The following CTNND2 variants were observed in gnomAD, a reference collection of about 807,000 sequenced individuals.
CTNND2 encodes catenin delta 2, also known as catenin delta-2.
CTNND2 carries 22 observed loss-of-function variants against 144.4 expected under a neutral mutation model. The observed-to-expected ratio is 0.15, with a 90% CI of 0.11 to 0.22. The LOEUF is 0.22. Among genes scored for constraint, CTNND2 ranks in the 10% least tolerant of loss-of-function variants. The pLI, the probability that CTNND2 is intolerant of heterozygous loss-of-function variation, is 1.00. For missense variants in CTNND2, 1,353 were observed against 1,618.8 expected, an observed-to-expected ratio of 0.84 and a Z score of 2.82; for synonymous variants, 751 against 695.6, an observed-to-expected ratio of 1.08 and a Z score of -1.25.
intron 3 of CTNND2, among the ~76,000 whole-genome samples, chr5:11,470,980 ATTTT>A (rs1171276873): frequency 2.8e-4 from 26 of 91,514 alleles, no homozygotes; most frequent in Admixed American, 4.6e-4. Context: ...ATATATATAT[ATTTT>A]TTTTTTTTTT....
At chr5:11,779,869 CCAT>C (rs1459747287) in intron 1 of CTNND2, among the ~76,000 whole-genome samples, 1 of 152,154 alleles carries the variant, frequency 6.6e-6, no homozygotes, top group Non-Finnish European at 1.5e-5. Flanking sequence ...TTGTAAGAGT[CCAT>C]CATCATTCCT....
At chr5:11,846,346 G>T (rs565878459) in intron 1 of CTNND2, among the ~76,000 whole-genome samples, 2 of 152,160 alleles carry the variant, frequency 1.3e-5, no homozygotes, top group Non-Finnish European at 2.9e-5. Context: ...GATGGCAAAG[G>T]TGCTGTGTTT....
intron 1 of CTNND2, among the ~76,000 whole-genome samples, chr5:11,883,712 G>A (rs1736305484): frequency 6.6e-6 from 1 of 152,132 alleles, no homozygotes; most frequent in African/African-American, 2.4e-5. Context: ...GGGATTGCTG[G>A]ATCAAATGGT....
chr5:11,156,703 G>T (rs1038271396), intron 12 of CTNND2, among the ~76,000 whole-genome samples: 1 of 140,668 alleles, frequency 7.1e-6, no homozygotes, highest in South Asian at 2.3e-4. Context: ...AGTTCTAGTT[G>T]TCTACATGAA....
chr5:11,631,115 G>T (rs1043892586), intron 2 of CTNND2, among the ~76,000 whole-genome samples: 1 of 152,088 alleles, frequency 6.6e-6, no homozygotes, highest in Non-Finnish European at 1.5e-5. Context: ...TGGGGGAAAA[G>T]AAAGTCCATT....
Position 11,146,850 on chromosome 5 carries a change from G to A in CTNND2, c.2159+12726C>T, listed in dbSNP as rs529752137. ...CAGCAACACACACACTGGAAAACAA[G>A]CAGTTACATGGCTCTACCCAAGAAA... On this transcript the variant is annotated intron_variant, in intron 12 of 21. Transcript: ENST00000304623. Among the ~76,000 whole-genome samples the A allele has an allele frequency of 4.1e-3, 630 of 152,340 alleles. 4 individuals are homozygous for A. Among genetic ancestry groups the A allele is most frequent in the African/African-American group, 0.014 (592 of 41,578 alleles).
chr5:11,879,339 G>GTATATATATATATATATATATATA (rs368634452), intron 1 of CTNND2, among the ~76,000 whole-genome samples: 3,651 of 100,062 alleles, frequency 0.036, 352 homozygotes, highest in South Asian at 0.057. Flanking sequence ...AATTAAATGT[G>GTATATATATATATATATATATATA]TGTATATATA....
At chr5:11,223,720 A>C (rs1740035362) in intron 10 of CTNND2, among the ~76,000 whole-genome samples, 1 of 152,090 alleles carries the variant, frequency 6.6e-6, no homozygotes, top group South Asian at 2.1e-4. Context: ...TGCGTCCCTG[A>C]CATTTGGGAG....
chr5:11,701,636 C>A (rs1003438603), intron 2 of CTNND2, among the ~76,000 whole-genome samples: 5 of 151,762 alleles, frequency 3.3e-5, no homozygotes, highest in Non-Finnish European at 7.4e-5. Context: ...GTATTAAAAC[C>A]CCAAAAGAAC....
chr5:11,254,486 T>C (rs1192221904), intron 9 of CTNND2, among the ~76,000 whole-genome samples: 1 of 152,182 alleles, frequency 6.6e-6, no homozygotes, highest in African/African-American at 2.4e-5. Context: ...TCAAATTTTC[T>C]GGTGCTCTTT....
At chr5:11,651,100 G>T (rs1377685769) in intron 2 of CTNND2, among the ~76,000 whole-genome samples, 1 of 152,160 alleles carries the variant, frequency 6.6e-6, no homozygotes, top group East Asian at 1.9e-4. Flanking sequence ...CCCATTACAG[G>T]CCTGGAGGCA....
chr5:11,443,236 A>ATGTG (rs142482923), intron 3 of CTNND2, among the ~76,000 whole-genome samples: 4 of 79,362 alleles, frequency 5.0e-5, no homozygotes, highest in African/African-American at 2.2e-4. Context: ...TGTGTGTGTG[A>ATGTG]TGTGTGTGTG....
intron 3 of CTNND2, among the ~76,000 whole-genome samples, chr5:11,418,422 CAAAACAAA>C (rs752889802): frequency 5.9e-5 from 9 of 151,694 alleles, no homozygotes; most frequent in Non-Finnish European, 1.0e-4. Flanking sequence ...CAAAACAAAA[CAAAACAAA>C]AAAACAAAAT....
chr5:11,482,128 G>A (rs1386946377), intron 3 of CTNND2, among the ~76,000 whole-genome samples: 1 of 152,102 alleles, frequency 6.6e-6, no homozygotes, highest in Non-Finnish European at 1.5e-5. Flanking sequence ...ACTTGATTAT[G>A]CCGTGGACAC....
At chr5:10,983,144 G>C (rs1010627500) in intron 20 of CTNND2, among the ~76,000 whole-genome samples, 1 of 152,140 alleles carries the variant, frequency 6.6e-6, no homozygotes, top group Admixed American at 6.5e-5. Flanking sequence ...AGAACAACTA[G>C]AATAATGGAA....
intron 13 of CTNND2, 43 bp from the exon 14 acceptor site, chr5:11,111,086 G>C: frequency 6.4e-7 from 1 of 1,568,496 alleles, no homozygotes; most frequent in Non-Finnish European, 8.7e-7. Flanking sequence ...AGTAAAACTA[G>C]CACTCAGCAC....
At chr5:11,425,164 G>A (rs10474922) in intron 3 of CTNND2, among the ~76,000 whole-genome samples, 1 of 152,216 alleles carries the variant, frequency 6.6e-6, no homozygotes, top group African/African-American at 2.4e-5. Context: ...TATTGGAGCA[G>A]AGTACAAGTC....
chr5:11,291,363 T>C (rs988166053), intron 9 of CTNND2, among the ~76,000 whole-genome samples: 1 of 152,160 alleles, frequency 6.6e-6, no homozygotes, highest in African/African-American at 2.4e-5. Context: ...CAAATGCCAT[T>C]GGATTTTTCT....
At chr5:11,266,918 G>A (rs749244606) in intron 9 of CTNND2, among the ~76,000 whole-genome samples, 1 of 152,126 alleles carries the variant, frequency 6.6e-6, no homozygotes, top group Non-Finnish European at 1.5e-5. Flanking sequence ...CAACTCTGTT[G>A]CCCAGGCTGG....
Sources: gnomAD v4.1 joint callset for allele counts (sites outside exome capture counted in the v4.1 genomes callset) on GRCh38, gnomAD v4.1.1 for gene constraint, MANE v1.5 for transcripts, NCBI Gene and HGNC (gene_info 2026-07-23, HGNC 2026-07-21) for gene names.